HECW1: variants seen among roughly 807,000 people sequenced by gnomAD.
HECW1 encodes the protein HECT, C2 and WW domain containing E3 ubiquitin protein ligase 1, also known as E3 ubiquitin-protein ligase HECW1.
HECW1 carries 61 observed loss-of-function variants against 182.3 expected under a neutral mutation model. The ratio of observed to expected loss-of-function variants is 0.33; its 90% CI spans 0.27 to 0.41. The LOEUF is 0.41. Among genes scored for constraint, HECW1 ranks in the 10% least tolerant of loss-of-function variants. The pLI is 1.00. For missense variants in HECW1, 1,739 were observed against 2,108.9 expected (o/e 0.82, Z 3.44); for synonymous variants, 859 against 832.6 (o/e 1.03, Z -0.55).
At chr7:43,294,759 C>T (rs1805827189) in intron 3 of HECW1, among the ~76,000 whole-genome samples, 1 of 152,132 alleles carries the variant, frequency 6.6e-6, no homozygotes, top group Non-Finnish European at 1.5e-5. Context: ...TCCCCATAAA[C>T]CAGAAAGTAT....
chr7:43,120,918 C>T (rs899648756), intron 2 of HECW1, among the ~76,000 whole-genome samples: 4 of 152,078 alleles, frequency 2.6e-5, no homozygotes, highest in African/African-American at 7.2e-5. Flanking sequence ...TCCCAAAGTG[C>T]TGGGATTACA....
chr7:43,469,487 C>G (rs1012003216), intron 16 of HECW1, among the ~76,000 whole-genome samples: 3 of 152,170 alleles, frequency 2.0e-5, no homozygotes, highest in Non-Finnish European at 4.4e-5. Flanking sequence ...AGCTAACTCT[C>G]AGGGGATGAA....
intron 3 of HECW1, among the ~76,000 whole-genome samples, chr7:43,266,593 C>A (rs1801830952): frequency 6.6e-6 from 1 of 152,212 alleles, no homozygotes; most frequent in African/African-American, 2.4e-5. Flanking sequence ...CTCGGCCTCC[C>A]AAAGTGCTGG....
chr7:43,262,264 G>GTGTGTGTGTA lies in HECW1; in HGVS notation c.27+18333_27+18334insGTGTGTGTAT, dbSNP rs774635031. The stretch of plus-strand genomic sequence containing the variant: ...TATGTGTGCGTGTGTGTGTGTGTGT[G>GTGTGTGTGTA]TATAACCTAAAGAAATCAATAAATA... On this transcript the variant is annotated intron_variant, in intron 3 of 29. Transcript: ENST00000395891. Among the ~76,000 whole-genome samples, 440 of 151,760 alleles carry GTGTGTGTGTA rather than the reference G, an allele frequency of 2.9e-3. 3 individuals are homozygous for GTGTGTGTGTA. The highest frequency in any genetic ancestry group is 4.4e-3 in the Non-Finnish European group (301 of 67,944).
At chr7:43,549,563 G>T (rs549996595) in intron 26 of HECW1, among the ~76,000 whole-genome samples, 11 of 152,170 alleles carry the variant, frequency 7.2e-5, no homozygotes, top group Non-Finnish European at 1.5e-4. Flanking sequence ...TTTAAAAAAT[G>T]TCTAGCATGT....
At chr7:43,314,481 G>A (rs573673247) in intron 4 of HECW1, among the ~76,000 whole-genome samples, 20 of 152,156 alleles carry the variant, frequency 1.3e-4, no homozygotes, top group African/African-American at 4.6e-4. Flanking sequence ...TGGTGAAGGG[G>A]CAGGATAACC....
In HECW1 at chr7:43,432,051, A is replaced by G. The variant is rs1463414459; in HGVS notation, c.802-5952A>G. Among the ~76,000 whole-genome samples, 1 of 151,660 alleles carries G rather than the reference A, an allele frequency of 6.6e-6. No homozygotes were observed. The highest frequency in any genetic ancestry group is 2.4e-5 in the African/African-American group (1 of 41,232). ...CACCATCTTGGCCAGGCTTGTCTTG[A>G]ACTCTTAACCTTGTGATCTACCCAC... On this transcript the variant is annotated intron_variant, in intron 8 of 29. Coordinates refer to ENST00000395891, the MANE Select transcript of HECW1 (RefSeq NM_015052.5). The surrounding 1 kb of genome is among the most constrained non-coding windows in gnomAD (Gnocchi z 4.1).
chr7:43,213,454 T>C (rs991887324), intron 2 of HECW1, among the ~76,000 whole-genome samples: 1 of 147,718 alleles, frequency 6.8e-6, no homozygotes, highest in Non-Finnish European at 1.5e-5. Flanking sequence ...TTTTTTTTTT[T>C]TTTTTTTTTG....
chr7:43,422,163 G>A (rs2076204207), intron 8 of HECW1, among the ~76,000 whole-genome samples: 1 of 151,944 alleles, frequency 6.6e-6, no homozygotes, highest in South Asian at 2.1e-4. Flanking sequence ...TAAAAGTAAT[G>A]GCCAAAATTG....
intron 24 of HECW1, among the ~76,000 whole-genome samples, chr7:43,529,365 G>T (rs1198371210): frequency 1.3e-5 from 2 of 151,964 alleles, no homozygotes; most frequent in East Asian, 3.9e-4. Context: ...ACGCCACTGT[G>T]GATTAGTATT....
chr7:43,483,465 T>G (rs2078509374), intron 17 of HECW1, among the ~76,000 whole-genome samples: 1 of 151,382 alleles, frequency 6.6e-6, no homozygotes, highest in Non-Finnish European at 1.5e-5. Context: ...TACAGTCCAG[T>G]AAACTGAAAT....
intron 2 of HECW1, among the ~76,000 whole-genome samples, chr7:43,128,284 A>G (rs1016007682): frequency 6.6e-6 from 1 of 152,224 alleles, no homozygotes; most frequent in African/African-American, 2.4e-5. Flanking sequence ...CAAATCTTCA[A>G]AAAATACATT....
At chr7:43,240,217 A>G (rs927273960) in intron 2 of HECW1, among the ~76,000 whole-genome samples, 13 of 152,110 alleles carry the variant, frequency 8.5e-5, no homozygotes, top group Admixed American at 3.3e-4. Context: ...GGGCGCTTGT[A>G]GTCCTAGCTA....
chr7:43,272,710 C>T (rs1437160731), intron 3 of HECW1, among the ~76,000 whole-genome samples: 1 of 152,152 alleles, frequency 6.6e-6, no homozygotes, highest in Admixed American at 6.5e-5. Context: ...AACATTTATA[C>T]ACTGCTGGTG....
chr7:43,302,611 GCC>G (rs1806975130), intron 3 of HECW1, among the ~76,000 whole-genome samples: 3 of 152,304 alleles, frequency 2.0e-5, no homozygotes, highest in African/African-American at 7.2e-5. Context: ...CCGGTACGGG[GCC>G]GCCCCGGGAG....
intron 5 of HECW1, among the ~76,000 whole-genome samples, chr7:43,331,542 G>A (rs999195096): frequency 4.0e-5 from 6 of 151,230 alleles, no homozygotes; most frequent in South Asian, 2.1e-4. Flanking sequence ...GCAGTGAGCC[G>A]AGATTGCGCC....
intron 2 of HECW1, among the ~76,000 whole-genome samples, chr7:43,170,207 A>G (rs1366160970): frequency 6.6e-6 from 1 of 152,216 alleles, no homozygotes; most frequent in African/African-American, 2.4e-5. Context: ...TGGGCTCCTC[A>G]TGAGGATCTA....
intron 6 of HECW1, among the ~76,000 whole-genome samples, chr7:43,381,234 G>A (rs2074537729): frequency 6.6e-6 from 1 of 151,990 alleles, no homozygotes; most frequent in African/African-American, 2.4e-5. Flanking sequence ...TATATATTCT[G>A]GATATAGTTC....
chr7:43,274,304 C>T, intron 3 of HECW1: 1 of 1,037,162 alleles, frequency 9.6e-7, no homozygotes, highest in Non-Finnish European at 1.4e-6. Context: ...TACTTTGTAT[C>T]TCAGTTAAAG....
Sources: allele counts gnomAD v4.1 joint callset (sites outside exome capture counted in the v4.1 genomes callset), GRCh38; gene constraint gnomAD v4.1.1; non-coding constraint Gnocchi (gnomAD v3.1); transcripts MANE v1.5; gene names NCBI Gene and HGNC (gene_info 2026-07-23, HGNC 2026-07-21).